Variants in MUSK observed in about 807,000 individuals in gnomAD.
MUSK encodes muscle associated receptor tyrosine kinase, also known as muscle, skeletal receptor tyrosine-protein kinase.
In MUSK, 55 loss-of-function variants were observed where a neutral mutation model predicts 88.7. That is an observed-to-expected ratio of 0.62 (90% confidence interval 0.50 to 0.78). The LOEUF (loss-of-function observed/expected upper bound fraction) is 0.78, where lower values mean the gene tolerates loss of function less well. MUSK is among the 30% of genes least tolerant of loss of function. The pLI, the probability that MUSK is intolerant of heterozygous loss-of-function variation, is 0.00. For synonymous variants in MUSK, 387 were observed against 391.9 expected (o/e 0.99, Z 0.15); for missense variants, 1,015 against 1,074.3 (o/e 0.94, Z 0.77).
In MUSK at chr9:110,733,108, T is replaced by C. The variant is rs965247604; in HGVS notation, c.629-1143T>C. Among the ~76,000 whole-genome samples, 95 of 152,132 alleles carry C rather than the reference T, an allele frequency of 6.2e-4. 2 individuals carry two copies. The highest frequency in any genetic ancestry group is 1.6e-4 in the Non-Finnish European group (11 of 68,016). On this transcript the variant is annotated intron_variant, in intron 5 of 14. Transcript: ENST00000374448. ...ATTAAGTTTCAAAGCATTGTGCTAA[T>C]TGGGGCTTCATACTCTAATATTATA...
At chr9:110,741,684 T>G (rs1031333687) in intron 6 of MUSK, among the ~76,000 whole-genome samples, 14 of 152,214 alleles carry the variant, frequency 9.2e-5, no homozygotes, top group Admixed American at 7.9e-4. Flanking sequence ...CAAAATCATT[T>G]TTTTCGTAAT....
intron 5 of MUSK, among the ~76,000 whole-genome samples, chr9:110,725,367 A>G (rs1166427913): frequency 6.6e-6 from 1 of 151,930 alleles, no homozygotes; most frequent in Non-Finnish European, 1.5e-5. Flanking sequence ...GTATAAAGAG[A>G]TTGGTTTTGG....
chr9:110,801,057 C>A lies in MUSK; in HGVS notation c.*69C>A. The A allele has an allele frequency of 7.4e-7, 1 of 1,347,002 alleles. No individual in the cohort carries two copies. The highest frequency in any genetic ancestry group is 9.8e-7 in the Non-Finnish European group (1 of 1,019,232). 83.4% of individuals were successfully genotyped at this position (1,347,002 alleles called of 1,614,324 possible). A position where few individuals can be genotyped will look rare whatever the true frequency, so the allele number is the denominator to read the frequency against. On this transcript the variant is annotated 3_prime_UTR_variant, in exon 15 of 15. Coordinates refer to ENST00000374448, the MANE Select transcript of MUSK (RefSeq NM_005592.4). ...TCTGTGAGCCAGGGGAATCCTACAC[C>A]AGAGGCCCAACAAGACCCACATAGG...
At chr9:110,755,943 T>TAC (rs1298637599) in intron 7 of MUSK, among the ~76,000 whole-genome samples, 4 of 75,504 alleles carry the variant, frequency 5.3e-5, no homozygotes, top group Admixed American at 4.8e-4. Flanking sequence ...CATATATATA[T>TAC]ATATATACAC....
intron 3 of MUSK, among the ~76,000 whole-genome samples, chr9:110,689,941 T>C (rs1428417011): frequency 1.1e-5 from 1 of 94,798 alleles, no homozygotes; most frequent in African/African-American, 4.5e-5. Flanking sequence ...TATATAAATA[T>C]ATATTTAAAT....
In MUSK at chr9:110,689,743, T is replaced by TATATATAA. The variant is rs1417062202; in HGVS notation, c.358+2475_358+2476insATATATAA. On this transcript the variant is annotated intron_variant, in intron 3 of 14. Transcript: ENST00000374448. ...TGTTATATATAGTTTATATATAATA[T>TATATATAA]TATATATTATATATAAACTATATAT... is the stretch of plus-strand genomic sequence containing the variant. Among the ~76,000 whole-genome samples the TATATATAA allele has an allele frequency of 9.7e-4, 72 of 74,122 alleles. 2 individuals are homozygous for TATATATAA. Among genetic ancestry groups the TATATATAA allele is most frequent in the African/African-American group, 5.0e-3 (67 of 13,274 alleles). 48.6% of individuals were successfully genotyped at this position (74,122 alleles called of 152,430 possible). A position where few individuals can be genotyped will look rare whatever the true frequency, so the allele number is the denominator to read the frequency against.
chr9:110,740,267 T>A (rs768443695), intron 6 of MUSK, among the ~76,000 whole-genome samples: 2 of 152,060 alleles, frequency 1.3e-5, no homozygotes, highest in Non-Finnish European at 1.5e-5. Flanking sequence ...AAAACAGAAT[T>A]TTTTTTCCTA....
intron 1 of MUSK, among the ~76,000 whole-genome samples, chr9:110,681,183 A>G (rs1378821287): frequency 1.1e-5 from 1 of 89,234 alleles, no homozygotes; most frequent in Non-Finnish European, 2.2e-5. Flanking sequence ...AATATATATT[A>G]TAACAATCCT....
intron 6 of MUSK, among the ~76,000 whole-genome samples, chr9:110,738,924 GAA>G (rs1459917622): frequency 2.6e-5 from 4 of 152,126 alleles, no homozygotes; most frequent in Non-Finnish European, 4.4e-5. Context: ...TTAGTTGATG[GAA>G]AGTCTCTTTG....
chr9:110,688,534 T>C (rs1187670526), intron 3 of MUSK, among the ~76,000 whole-genome samples: 2 of 152,072 alleles, frequency 1.3e-5, no homozygotes, highest in Admixed American at 6.6e-5. Flanking sequence ...ACATGTGCCA[T>C]GGTGGTATAC....
At chr9:110,741,922 A>G (rs1318843370) in intron 6 of MUSK, among the ~76,000 whole-genome samples, 1 of 152,174 alleles carries the variant, frequency 6.6e-6, no homozygotes, top group African/African-American at 2.4e-5. Flanking sequence ...ACACTAACAC[A>G]GACGTCAGGT....
Position 110,785,393 on chromosome 9 carries a change from G to A in MUSK, c.1587-134G>A, listed in dbSNP as rs576906289. On this transcript the variant is annotated intron_variant, in intron 12 of 14. Transcript: ENST00000374448. ...CAAAATATTTTATTGCTCTCAAAAC[G>A]AAGGATCTTTGGCTGCCTTAGTATA... 24 of 775,648 alleles carry A rather than the reference G, an allele frequency of 3.1e-5. No homozygotes were observed. In the Admixed American group the frequency reaches 3.2e-4, roughly 10 times the overall value. 48.0% of individuals were successfully genotyped at this position (775,648 alleles called of 1,614,324 possible). A position where few individuals can be genotyped will look rare whatever the true frequency, so the allele number is the denominator to read the frequency against.
intron 9 of MUSK, among the ~76,000 whole-genome samples, chr9:110,771,958 G>A (rs151196382): frequency 2.4e-4 from 37 of 151,682 alleles, no homozygotes; most frequent in African/African-American, 7.2e-4. Flanking sequence ...TTTTGTTAAC[G>A]AGTTGTTACT....
At chr9:110,755,951 C>CATATATATACATATATATAT (rs1564268679) in intron 7 of MUSK, among the ~76,000 whole-genome samples, 1 of 101,792 alleles carries the variant, frequency 9.8e-6, no homozygotes, top group Non-Finnish European at 1.9e-5. Context: ...TATATATATA[C>CATATATATACATATATATAT]ACATATATAT....
chr9:110,699,350 A>G (rs927315359), intron 5 of MUSK, among the ~76,000 whole-genome samples: 2 of 152,182 alleles, frequency 1.3e-5, no homozygotes, highest in Admixed American at 6.5e-5. Context: ...TTTAGCACAC[A>G]TGCCTATTTC....
chr9:110,778,817 T>C (rs10980566), intron 11 of MUSK, among the ~76,000 whole-genome samples: 6,454 of 152,210 alleles, frequency 0.042, 358 homozygotes, highest in African/African-American at 0.12. Flanking sequence ...TAACTGATTG[T>C]TTAACTGATT....
In MUSK at chr9:110,699,131, T is replaced by C. The variant is rs2076470209; in HGVS notation, c.628+1665T>C. Among the ~76,000 whole-genome samples, 4 of 152,360 alleles carry C rather than the reference T, an allele frequency of 2.6e-5. No homozygotes were observed. In the South Asian group the frequency reaches 6.2e-4, roughly 24 times the overall value. On this transcript the variant is annotated intron_variant, in intron 5 of 14. Coordinates refer to ENST00000374448, the MANE Select transcript of MUSK (RefSeq NM_005592.4). ...CGAACTCCATTAGTTGGAGTTATTA[T>C]ACAGTTTGGTTTTGTGTTACCATTT...
chr9:110,689,040 A>T (rs1269412587), intron 3 of MUSK, among the ~76,000 whole-genome samples: 1 of 141,462 alleles, frequency 7.1e-6, no homozygotes, highest in African/African-American at 2.6e-5. Flanking sequence ...GTATAACTAT[A>T]TATTTAAATA....
chr9:110,713,554 C>G (rs2076703831), intron 5 of MUSK, among the ~76,000 whole-genome samples: 1 of 152,104 alleles, frequency 6.6e-6, no homozygotes, highest in Non-Finnish European at 1.5e-5. Context: ...GCCACCATGC[C>G]TAGCCCTCTC....
Sources: allele counts gnomAD v4.1 joint callset (sites outside exome capture counted in the v4.1 genomes callset), GRCh38; gene constraint gnomAD v4.1.1; transcripts MANE v1.5; gene names NCBI Gene and HGNC (gene_info 2026-07-23, HGNC 2026-07-21).